Variants in SETD1A observed in about 807,000 individuals in gnomAD.
The protein encoded by SETD1A is SET domain containing 1A, histone lysine methyltransferase.
Under a neutral mutation model 149.9 loss-of-function variants are expected in SETD1A, and 29 were observed. The ratio of observed to expected loss-of-function variants is 0.19; its 90% CI spans 0.14 to 0.26. The LOEUF is 0.26. SETD1A is among the 10% of genes least tolerant of loss of function. SETD1A has a pLI of 1.00. For missense variants in SETD1A, 2,109 were observed against 2,353.1 expected, an observed-to-expected ratio of 0.90 and a Z score of 2.15; for synonymous variants, 1,141 against 968.5, an observed-to-expected ratio of 1.18 and a Z score of -3.31.
At chr16:30,967,227 C>CA (rs2056160835) in intron 9 of SETD1A, among the ~76,000 whole-genome samples, 167 bp downstream of exon 9, 1 of 152,132 alleles carries the variant, frequency 6.6e-6, no homozygotes, top group Non-Finnish European at 1.5e-5. Context: ...GATCTCAGCT[C>CA]ACTGCAACCT....
In SETD1A at chr16:30,980,373, T is replaced by A. The variant is rs1031383127; in HGVS notation, c.4409-112T>A. ...CTGGCAGGAACGATGGGGCTGGGGC[T>A]TCCTCCCCTGTCCCTCACCTGGGTA... On this transcript the variant is annotated intron_variant, in intron 14 of 18. Transcript: ENST00000262519. This position sits in a 1 kb window ranked among gnomAD's most constrained non-coding sequence, Gnocchi z 7.7. The A allele has an allele frequency of 1.1e-5, 16 of 1,456,998 alleles. No individual in the cohort carries two copies. The highest frequency in any genetic ancestry group is 1.4e-5 in the Non-Finnish European group (15 of 1,078,358). The allele number at this position is 1,456,998 out of a possible 1,614,324, so 90.3% of individuals were successfully genotyped here.
Position 30,969,427 on chromosome 16 carries a change from G to GGGGA in SETD1A, c.2896_2899dup (p.Glu967GlyfsTer13). The GGGGA allele has an allele frequency of 6.2e-7, 1 of 1,613,524 alleles. No homozygotes were observed. The highest frequency in any genetic ancestry group is 8.5e-7 in the Non-Finnish European group (1 of 1,179,698). On this transcript the variant is annotated frameshift_variant, in exon 11 of 19. Transcript: ENST00000262519. LOFTEE classifies it high-confidence loss of function. The stretch of plus-strand genomic sequence containing the variant: ...CAAGTCCTTTGCTCTGGACAGCGAA[G>GGGGA]GGGAGGAGGCATCCCAGGAGTCCTC...
intron 13 of SETD1A, among the ~76,000 whole-genome samples, chr16:30,972,853 CAA>C (rs560520968): frequency 1.1e-4 from 14 of 130,396 alleles, no homozygotes; most frequent in Admixed American, 2.3e-4. Context: ...GACCCTGTCT[CAA>C]AAAAAAAAAA....
rs199662660 is a variant in SETD1A, at chr16:30,971,699, C to A, written c.3338C>A (p.Ala1113Glu). Residue 1113 changes from alanine (A) to glutamate (E), a missense_variant, in exon 13 of 19, where the codon GCG becomes GAG. Physicochemically the swap from Ala to Glu is moderately radical, Grantham distance 107. This residue lies in a region of SETD1A where 832 missense variants were observed against 815.6 expected (regional missense o/e 1.02). Coordinates refer to ENST00000262519, the MANE Select transcript of SETD1A (RefSeq NM_014712.3). ...SPVTPLPEQE[A>E]SPARPAGPTE... ...GTCACACCCCTGCCCGAACAGGAGGCGTCTCCAGCAAGGCCTGCAGGTAGG... is the reference window on the plus strand; with the variant it reads ...GTCACACCCCTGCCCGAACAGGAGGAGTCTCCAGCAAGGCCTGCAGGTAGG... The A allele has an allele frequency of 6.3e-7, 1 of 1,576,082 alleles. No individual in the cohort carries two copies. The highest frequency in any genetic ancestry group is 2.3e-5 in the East Asian group (1 of 44,338).
intron 11 of SETD1A, 63 bp downstream of exon 11, chr16:30,969,525 T>A: frequency 6.3e-7 from 1 of 1,599,704 alleles, no homozygotes; most frequent in Non-Finnish European, 8.5e-7. Context: ...TCTTTGTGGT[T>A]GGAGCCCAGG....
At chr16:30,958,619 G>T in intron 1 of SETD1A, 98 bp from the exon 2 acceptor site, 1 of 1,058,762 alleles carries the variant, frequency 9.4e-7, no homozygotes, top group Non-Finnish European at 1.4e-6. Flanking sequence ...AAACTGGAGT[G>T]ATGGGAGAAC....
chr16:30,967,909 C>G (rs1260793571), intron 10 of SETD1A, among the ~76,000 whole-genome samples: 1 of 152,172 alleles, frequency 6.6e-6, no homozygotes, highest in Non-Finnish European at 1.5e-5. Context: ...CTAATGCCCT[C>G]CTACCACCTT....
chr16:30,962,594 G>A (rs1026990237), intron 4 of SETD1A, among the ~76,000 whole-genome samples: 2 of 152,172 alleles, frequency 1.3e-5, no homozygotes, highest in Non-Finnish European at 2.9e-5. Context: ...GCCATTAGTA[G>A]GCACTGGCCA....
rs959941130 is a variant in SETD1A, at chr16:30,958,488, C to G, written c.-15-229C>G. 6 of 523,944 alleles carry G rather than the reference C, an allele frequency of 1.1e-5. No homozygotes were observed. The African/African-American group carries it at 1.2e-4, about 10-fold the overall frequency. The allele number at this position is 523,944 out of a possible 1,614,324, so 32.5% of individuals were successfully genotyped here. A position where few individuals can be genotyped will look rare whatever the true frequency, so the allele number is the denominator to read the frequency against. On this transcript the variant is annotated intron_variant, in intron 1 of 18. Transcript: ENST00000262519. ...GGGAGAGCGGGAAGGTAAGGGGGCTCGAGACGGGCCTGGGGGCCTGACAGT... is the reference window on the plus strand; with the variant it reads ...GGGAGAGCGGGAAGGTAAGGGGGCTGGAGACGGGCCTGGGGGCCTGACAGT...
At chr16:30,959,286 T>G in intron 3 of SETD1A, 100 bp downstream of exon 3, 1 of 826,552 alleles carries the variant, frequency 1.2e-6, no homozygotes. Flanking sequence ...TGAAAGGATC[T>G]CAGCCAGATC....
intron 6 of SETD1A, 107 bp downstream of exon 6, chr16:30,964,430 C>T (rs377703336): frequency 7.6e-7 from 1 of 1,317,910 alleles, no homozygotes; most frequent in Admixed American, 2.1e-5. Flanking sequence ...AATAATTTGT[C>T]CTAGTTTCTC....
At position 30,984,121 on chromosome 16, in the gene SETD1A, T is replaced by G; in HGVS notation, c.*98T>G. ...CTTAGTGGGCTCAGCAGGGCCCACA[T>G]GCCCCCATCTCCAAGCGTGGGGTTG... On this transcript the variant is annotated 3_prime_UTR_variant, in exon 19 of 19. Transcript: ENST00000262519. 2 of 1,150,458 alleles carry G rather than the reference T, an allele frequency of 1.7e-6. No individual in the cohort carries two copies. Among genetic ancestry groups the G allele is most frequent in the Non-Finnish European group, 2.4e-6 (2 of 833,364 alleles). 71.3% of individuals were successfully genotyped at this position (1,150,458 alleles called of 1,614,324 possible).
intron 6 of SETD1A, 108 bp from the exon 7 acceptor site, chr16:30,964,504 C>G (rs999699138): frequency 3.9e-6 from 6 of 1,519,606 alleles, no homozygotes. Flanking sequence ...CAACATATAG[C>G]TCTTCTTTTG....
At chr16:30,959,660 C>T (rs1164487597) in intron 3 of SETD1A, among the ~76,000 whole-genome samples, 4 of 152,128 alleles carry the variant, frequency 2.6e-5, no homozygotes, top group South Asian at 2.1e-4. Flanking sequence ...TGAACTGGGC[C>T]TGGAACACTG....
In SETD1A at chr16:30,965,652, G is replaced by C. The variant is rs1279420032; in HGVS notation, c.1771G>C (p.Gly591Arg). ...CATGGAGATCTCCGACGACGACCGG[G>C]GTGGCTCACCCCCTCCGGCCCCGAC... is the stretch of plus-strand genomic sequence containing the variant. ...DDMEISDDDRGGSPPPAPTPP... is the reference protein window; with the variant it reads ...DDMEISDDDRRGSPPPAPTPP... Residue 591 changes from glycine to arginine, a missense_variant, in exon 8 of 19, where the codon GGT becomes CGT. Coordinates refer to ENST00000262519, the MANE Select transcript of SETD1A (RefSeq NM_014712.3). 1.2e-6 allele frequency: 2 copies of C among 1,608,370 alleles called. No homozygotes were observed. Among genetic ancestry groups the C allele is most frequent in the Non-Finnish European group, 8.5e-7 (1 of 1,178,090 alleles).
At chr16:30,976,419 C>T (rs926582669) in intron 13 of SETD1A, among the ~76,000 whole-genome samples, 1 of 152,116 alleles carries the variant, frequency 6.6e-6, no homozygotes, top group Admixed American at 6.6e-5. Context: ...CTTGCCAGAG[C>T]TGGGGCCTGG....
chr16:30,971,831 C>A (rs2056229429), intron 13 of SETD1A, 112 bp downstream of exon 13: 6 of 1,336,842 alleles, frequency 4.5e-6, no homozygotes, highest in Non-Finnish European at 5.9e-6. Context: ...GAAAAACATA[C>A]AAAGAAAATG....
At chr16:30,959,064 T>C (rs374704918) in intron 2 of SETD1A, 27 bp from the exon 3 acceptor site, 2 of 1,565,148 alleles carry the variant, frequency 1.3e-6, no homozygotes, top group Non-Finnish European at 1.8e-6. Context: ...CCCTGAGCTC[T>C]CTTTCTGCTG....
intron 8 of SETD1A, 22 bp downstream of exon 8, chr16:30,966,408 G>A (rs576739951): frequency 8.9e-6 from 14 of 1,579,510 alleles, no homozygotes; most frequent in African/African-American, 4.0e-5. Context: ...GCCTGGGACC[G>A]GGGAGCCCTG....
Sources: gnomAD v4.1 joint callset for allele counts (sites outside exome capture counted in the v4.1 genomes callset) on GRCh38, gnomAD v4.1.1 for gene constraint, gnomAD v4.1.1 regional missense constraint, Gnocchi (gnomAD v3.1) non-coding constraint, MANE v1.5 for transcripts, NCBI Gene and HGNC (gene_info 2026-07-23, HGNC 2026-07-21) for gene names.